Variants in OLA1 observed in about 807,000 individuals in gnomAD.
OLA1 encodes Obg like ATPase 1.
Under a neutral mutation model 48.4 loss-of-function variants are expected in OLA1, and 14 were observed. The observed-to-expected ratio is 0.29, with a 90% CI of 0.19 to 0.45. The LOEUF is 0.45. OLA1 is among the 20% of genes least tolerant of loss of function. OLA1 has a pLI of 1.00. For synonymous variants in OLA1, 127 were observed against 150.4 expected, an observed-to-expected ratio of 0.84 and a Z score of 1.14; for missense variants, 325 against 467.1, an observed-to-expected ratio of 0.70 and a Z score of 2.80.
intron 4 of OLA1, among the ~76,000 whole-genome samples, chr2:174,186,942 A>G (rs1371868241): frequency 2.0e-5 from 3 of 152,186 alleles, no homozygotes; most frequent in Non-Finnish European, 4.4e-5. Context: ...AACAGAAGTT[A>G]ATGAAAAACA....
At chr2:174,087,640 G>A (rs984827544) in intron 7 of OLA1, among the ~76,000 whole-genome samples, 7 of 152,038 alleles carry the variant, frequency 4.6e-5, no homozygotes, top group African/African-American at 1.7e-4. Flanking sequence ...TCCCAGTAGT[G>A]CTATTTGATA....
chr2:174,182,852 G>A (rs1464439042), intron 4 of OLA1, among the ~76,000 whole-genome samples: 1 of 152,166 alleles, frequency 6.6e-6, no homozygotes, highest in African/African-American at 2.4e-5. Context: ...ATTTGATGGT[G>A]ACAACAAAAC....
chr2:174,205,362 C>A (rs1003683987), intron 4 of OLA1, among the ~76,000 whole-genome samples: 9 of 105,484 alleles, frequency 8.5e-5, no homozygotes, highest in African/African-American at 3.3e-4. Flanking sequence ...ACACCTAATA[C>A]TTTTAAATAT....
chr2:174,128,880 T>C (rs992323608), intron 5 of OLA1, among the ~76,000 whole-genome samples: 2 of 152,180 alleles, frequency 1.3e-5, no homozygotes, highest in Non-Finnish European at 2.9e-5. Context: ...TACATTTGCA[T>C]GGGAAAATGT....
intron 4 of OLA1, among the ~76,000 whole-genome samples, chr2:174,164,357 C>CTGCATAGTGCAGAATGGATACCATTA (rs1687110465): frequency 1.3e-5 from 2 of 152,160 alleles, no homozygotes; most frequent in African/African-American, 4.8e-5. Flanking sequence ...CAATACCATT[C>CTGCATAGTGCAGAATGGATACCATTA]TGCATAGTGC....
chr2:174,130,038 G>T (rs1192621680), intron 5 of OLA1, among the ~76,000 whole-genome samples: 1 of 152,130 alleles, frequency 6.6e-6, no homozygotes. Flanking sequence ...GTTCAAAACA[G>T]TCGCTAGAAG....
At chr2:174,077,417 G>A (rs1467153527) in intron 10 of OLA1, among the ~76,000 whole-genome samples, 2 of 151,990 alleles carry the variant, frequency 1.3e-5, no homozygotes, top group Non-Finnish European at 2.9e-5. Context: ...TTGATAATCT[G>A]CAAGTAAACA....
At chr2:174,103,183 A>AT (rs1558954777) in intron 7 of OLA1, among the ~76,000 whole-genome samples, 1 of 148,446 alleles carries the variant, frequency 6.7e-6, no homozygotes, top group Non-Finnish European at 1.5e-5. Context: ...AATCATGTGT[A>AT]CATGTGTATC....
chr2:174,097,660 G>A (rs982585446), intron 7 of OLA1, among the ~76,000 whole-genome samples: 19 of 151,898 alleles, frequency 1.3e-4, no homozygotes, highest in African/African-American at 2.2e-4. Flanking sequence ...GGGTGGTGGA[G>A]GTTGCACAGA....
Position 174,075,484 on chromosome 2 carries a change from T to G in OLA1, c.1133A>C (p.Glu378Ala), listed in dbSNP as rs1275086584. Reference protein sequence around the residue: ...YRQQGRNYIVEDGDIIFFKFN... With the variant: ...YRQQGRNYIVADGDIIFFKFN... ...TTTGAAGAAGATAATATCTCCATCT[T>G]CAACAATATAATTTCTGCCTTGTTG... The change falls in exon 11 of 11, where the codon GAA (glutamate) becomes GCA (alanine). Residue 378 changes from glutamate (E) to alanine (A), a missense_variant. Glu to Ala is a moderately radical substitution (Grantham distance 107). Coordinates refer to ENST00000284719, the MANE Select transcript of OLA1 (RefSeq NM_013341.5). 6.2e-7 allele frequency: 1 copy of G among 1,611,210 alleles called. No individual in the cohort carries two copies. Among genetic ancestry groups the G allele is most frequent in the Non-Finnish European group, 8.5e-7 (1 of 1,177,934 alleles).
At chr2:174,222,954 T>C in intron 4 of OLA1, 79 bp downstream of exon 4, 27 of 1,419,056 alleles carry the variant, frequency 1.9e-5, no homozygotes, top group Non-Finnish European at 2.6e-5. Flanking sequence ...ATTAGTCATT[T>C]CTAATTTTAT....
chr2:174,226,400 C>A (rs145868816), intron 3 of OLA1, among the ~76,000 whole-genome samples: 19 of 151,978 alleles, frequency 1.3e-4, no homozygotes, highest in African/African-American at 4.1e-4. Context: ...TTAGAACTCT[C>A]GAGACTAAAA....
At chr2:174,111,458 T>C (rs1473950540) in intron 7 of OLA1, among the ~76,000 whole-genome samples, 2 of 152,200 alleles carry the variant, frequency 1.3e-5, no homozygotes, top group African/African-American at 4.8e-5. Context: ...TGGATAGAAA[T>C]TTGCCTTCCA....
chr2:174,213,411 C>T (rs1477964999), intron 4 of OLA1, among the ~76,000 whole-genome samples: 1 of 152,004 alleles, frequency 6.6e-6, no homozygotes, highest in Non-Finnish European at 1.5e-5. Flanking sequence ...GTCTTAGATT[C>T]CTGTTGAAAT....
At chr2:174,171,595 T>C (rs1687305347) in intron 4 of OLA1, among the ~76,000 whole-genome samples, 1 of 152,204 alleles carries the variant, frequency 6.6e-6, no homozygotes, top group Non-Finnish European at 1.5e-5. Context: ...TATCAACGTA[T>C]GTGGGATGCA....
rs1684840465 is a variant in OLA1 at position 174,080,979 on chromosome 2, C to A, written c.966+173G>T. On this transcript the variant is annotated intron_variant, in intron 9 of 10. Coordinates refer to ENST00000284719, the MANE Select transcript of OLA1 (RefSeq NM_013341.5). ...CAATTGTTACCTGCCTCAATCAATG[C>A]CGCTCCACTTTCACTGTTCAGCAGC... 7 of 587,906 alleles carry A rather than the reference C, an allele frequency of 1.2e-5. No homozygotes were observed. The South Asian group carries it at 1.3e-4, about 11-fold the overall frequency. 36.4% of individuals were successfully genotyped at this position (587,906 alleles called of 1,614,324 possible). A position where few individuals can be genotyped will look rare whatever the true frequency, so the allele number is the denominator to read the frequency against.
intron 4 of OLA1, among the ~76,000 whole-genome samples, chr2:174,152,658 A>G (rs1439414373): frequency 6.6e-6 from 1 of 152,226 alleles, no homozygotes; most frequent in Non-Finnish European, 1.5e-5. Context: ...GAAACAAAAT[A>G]TTTTGTAAAT....
At chr2:174,200,862 AACCCTTAAAT>A (rs2105432065) in intron 4 of OLA1, among the ~76,000 whole-genome samples, 1 of 152,320 alleles carries the variant, frequency 6.6e-6, no homozygotes, top group South Asian at 2.1e-4. Flanking sequence ...AAGATCTTGT[AACCCTTAAAT>A]ACAATTGTTT....
chr2:174,148,067 C>T (rs1686654564), intron 4 of OLA1, among the ~76,000 whole-genome samples: 2 of 152,144 alleles, frequency 1.3e-5, no homozygotes, highest in Non-Finnish European at 2.9e-5. Flanking sequence ...GGTCTGCCTG[C>T]CTGGCCTTTT....
Sources: gnomAD v4.1 joint callset for allele counts (sites outside exome capture counted in the v4.1 genomes callset) on GRCh38, gnomAD v4.1.1 for gene constraint, MANE v1.5 for transcripts, NCBI Gene and HGNC (gene_info 2026-07-23, HGNC 2026-07-21) for gene names.